Variants in CDH10 observed in about 807,000 individuals in gnomAD.
The protein encoded by CDH10 is cadherin-10.
A neutral mutation model predicts 73.1 loss-of-function variants in CDH10; 30 were observed. The observed-to-expected ratio is 0.41, with a 90% CI of 0.31 to 0.56. The LOEUF (loss-of-function observed/expected upper bound fraction) is 0.56. Among genes scored for constraint, CDH10 ranks in the 20% least tolerant of loss-of-function variants. CDH10 has a pLI of 0.27. For missense variants in CDH10, 815 were observed against 973.7 expected (o/e 0.84, Z 2.17); for synonymous variants, 345 against 348.2 (o/e 0.99, Z 0.10).
chr5:24,506,417 C>T (rs1402286197), intron 7 of CDH10, among the ~76,000 whole-genome samples: 4 of 152,176 alleles, frequency 2.6e-5, no homozygotes, highest in African/African-American at 4.8e-5. Context: ...ATTTTATTAC[C>T]GAAAGATCTA....
rs987567064 is a variant in CDH10 at position 24,490,722 on chromosome 5, A to G, written c.1876+854T>C. ...ATAAAAACATGCTCTTTTTATAATC[A>G]TAAAAATATTGCTACAATTTATTAT... On this transcript the variant is annotated intron_variant, in intron 11 of 11. Coordinates refer to ENST00000264463, the MANE Select transcript of CDH10 (RefSeq NM_006727.5). Among the ~76,000 whole-genome samples, 8 of 152,192 alleles carry G rather than the reference A, an allele frequency of 5.3e-5. No homozygotes were observed. The South Asian group carries it at 1.2e-3, about 24-fold the overall frequency.
chr5:24,599,468 C>T (rs1235943172), intron 1 of CDH10, among the ~76,000 whole-genome samples: 1 of 152,132 alleles, frequency 6.6e-6, no homozygotes, highest in Non-Finnish European at 1.5e-5. Context: ...TATTTTTCTT[C>T]TAAGTTACTT....
At chr5:24,616,995 C>G (rs1206262749) in intron 1 of CDH10, among the ~76,000 whole-genome samples, 1 of 152,156 alleles carries the variant, frequency 6.6e-6, no homozygotes, top group Non-Finnish European at 1.5e-5. Flanking sequence ...TTTGAAAACA[C>G]ATATTCCTTC....
chr5:24,515,925 C>T (rs12522865), intron 5 of CDH10, among the ~76,000 whole-genome samples: 72,515 of 151,794 alleles, frequency 0.48, 17,425 homozygotes, highest in East Asian at 0.58. Flanking sequence ...CAATCTCTTT[C>T]GCCTGCAGCC....
chr5:24,638,370 G>C (rs537972836), intron 1 of CDH10, among the ~76,000 whole-genome samples: 2 of 151,608 alleles, frequency 1.3e-5, no homozygotes, highest in Non-Finnish European at 3.0e-5. Flanking sequence ...CAGCAAGAAG[G>C]GGGGGAAGTC....
At chr5:24,547,714 G>C (rs1411378512) in intron 2 of CDH10, among the ~76,000 whole-genome samples, 1 of 152,148 alleles carries the variant, frequency 6.6e-6, no homozygotes, top group Non-Finnish European at 1.5e-5. Context: ...AGAGGTGAAA[G>C]TTGGAAGTCC....
chr5:24,512,998 C>A (rs1742976979), intron 5 of CDH10, among the ~76,000 whole-genome samples: 2 of 41,074 alleles, frequency 4.9e-5, no homozygotes, highest in South Asian at 8.9e-4. Flanking sequence ...TTCTCTCTTT[C>A]TTTTCTTTTC....
intron 2 of CDH10, among the ~76,000 whole-genome samples, chr5:24,559,349 T>C (rs540160418): frequency 6.6e-6 from 1 of 152,126 alleles, no homozygotes; most frequent in East Asian, 1.9e-4. Context: ...TACAAATATG[T>C]GTAAACAAAT....
intron 5 of CDH10, among the ~76,000 whole-genome samples, chr5:24,523,041 A>C (rs959877277): frequency 6.6e-6 from 1 of 152,062 alleles, no homozygotes; most frequent in East Asian, 1.9e-4. Flanking sequence ...GAAACCTTTC[A>C]TAGCATGGCA....
chr5:24,614,435 A>G (rs1326100744), intron 1 of CDH10, among the ~76,000 whole-genome samples: 1 of 152,208 alleles, frequency 6.6e-6, no homozygotes, highest in East Asian at 1.9e-4. Flanking sequence ...AGAATTTGGA[A>G]AACACTAATT....
intron 6 of CDH10, 72 bp downstream of exon 6, chr5:24,511,255 T>G: frequency 1.1e-6 from 1 of 877,556 alleles, no homozygotes; most frequent in Non-Finnish European, 1.8e-6. Flanking sequence ...GGATCATTCA[T>G]GAGCGAAGAG....
intron 8 of CDH10, among the ~76,000 whole-genome samples, chr5:24,500,081 T>C (rs1742435874): frequency 1.3e-5 from 2 of 152,204 alleles, no homozygotes; most frequent in African/African-American, 2.4e-5. Context: ...GTGGATATCA[T>C]TTTGCCTTGT....
intron 11 of CDH10, among the ~76,000 whole-genome samples, chr5:24,490,084 G>A (rs1207262666): frequency 6.6e-6 from 1 of 152,112 alleles, no homozygotes; most frequent in East Asian, 1.9e-4. Context: ...GCCAATGAGA[G>A]TCTGAAACAC....
At chr5:24,541,179 T>C (rs1291067014) in intron 2 of CDH10, among the ~76,000 whole-genome samples, 3 of 152,048 alleles carry the variant, frequency 2.0e-5, no homozygotes, top group South Asian at 2.1e-4. Flanking sequence ...AACAGGTCTA[T>C]TGATATTGAT....
chr5:24,515,344 C>G (rs546697275), intron 5 of CDH10, among the ~76,000 whole-genome samples: 259 of 152,132 alleles, frequency 1.7e-3, no homozygotes, highest in African/African-American at 6.1e-3. Context: ...CAGTCTTATG[C>G]AAAGTGTTCT....
chr5:24,511,774 C>A (rs1035400236), intron 5 of CDH10, among the ~76,000 whole-genome samples: 2 of 152,102 alleles, frequency 1.3e-5, no homozygotes, highest in African/African-American at 4.8e-5. Flanking sequence ...AACAGTAGGA[C>A]AAATTCTGGT....
chr5:24,597,304 T>C (rs1407128995), intron 1 of CDH10, among the ~76,000 whole-genome samples: 1 of 152,096 alleles, frequency 6.6e-6, no homozygotes, highest in African/African-American at 2.4e-5. Flanking sequence ...TTCTAATATG[T>C]TCACCTATAA....
chr5:24,595,560 T>C (rs1441928043), intron 1 of CDH10, among the ~76,000 whole-genome samples: 2 of 151,892 alleles, frequency 1.3e-5, no homozygotes, highest in Non-Finnish European at 2.9e-5. Context: ...CTCAAATTGA[T>C]TGGATTCTAA....
intron 1 of CDH10, among the ~76,000 whole-genome samples, chr5:24,595,720 T>A (rs112073403): frequency 7.2e-5 from 11 of 152,110 alleles, no homozygotes; most frequent in Admixed American, 2.0e-4. Flanking sequence ...CTTTAAAACC[T>A]ATTGAAGAAA....
Sources: allele counts gnomAD v4.1 joint callset (sites outside exome capture counted in the v4.1 genomes callset), GRCh38; gene constraint gnomAD v4.1.1; transcripts MANE v1.5; gene names NCBI Gene and HGNC (gene_info 2026-07-23, HGNC 2026-07-21).